YIF1B: variants seen among roughly 807,000 people sequenced by gnomAD.
YIF1B encodes the protein protein YIF1B.
YIF1B carries 24 observed loss-of-function variants against 34.6 expected under a neutral mutation model. The ratio of observed to expected loss-of-function variants is 0.69; its 90% CI spans 0.50 to 0.98. The LOEUF (loss-of-function observed/expected upper bound fraction) is 0.98, where lower values mean the gene tolerates loss of function less well. Among genes scored for constraint, YIF1B ranks in the 50% least tolerant of loss-of-function variants. The pLI is 0.00. For synonymous variants in YIF1B, 186 were observed against 184.8 expected (o/e 1.01, Z -0.05); for missense variants, 368 against 429.4 (o/e 0.86, Z 1.26).
At chr19:38,317,566 T>G (rs1037960366), upstream of YIF1B, among the ~76,000 whole-genome samples, 2 of 152,080 alleles carry the variant, frequency 1.3e-5, no homozygotes, top group African/African-American at 4.8e-5. Flanking sequence ...TAAATGTTTT[T>G]TTTTTTCTTA....
chr19:38,308,158 G>A (rs1371281039), intron 5 of YIF1B, among the ~76,000 whole-genome samples: 2 of 152,220 alleles, frequency 1.3e-5, no homozygotes, highest in East Asian at 3.8e-4. Context: ...AGGGCGATGT[G>A]AGCAAGAGGA....
At position 38,305,365 on chromosome 19, in the gene YIF1B, T is replaced by C. The variant is rs1287066572; in HGVS notation, c.932A>G (p.His311Arg). Reference sequence around the variant, plus strand: ...CAGCGGGCGCGCTCACCGCACCAGGTGGAAGGTGAGCCAGTACATGAGCAT... The same window carrying C: ...CAGCGGGCGCGCTCACCGCACCAGGCGGAAGGTGAGCCAGTACATGAGCAT... ...QPMLMYWLTF[H>R]LVR is the part of the protein sequence containing the mutation. The change falls in exon 8 of 8, where the codon CAC becomes CGC. Residue 311 changes from histidine (H) to arginine (R), a missense_variant. Physicochemically the swap from His to Arg is conservative, Grantham distance 29 (BLOSUM62 0). Transcript: ENST00000339413. 3.1e-6 allele frequency: 5 copies of C among 1,602,870 alleles called. No individual in the cohort carries two copies.
At chr19:38,313,335 T>C (rs1161993576) in intron 1 of YIF1B, among the ~76,000 whole-genome samples, 1 of 147,508 alleles carries the variant, frequency 6.8e-6, no homozygotes, top group East Asian at 2.0e-4. Context: ...CTCAGCTCAC[T>C]GCAAGCTCCG....
chr19:38,320,546 C>CTTTTTTTTTTTTT (rs35248793), upstream of YIF1B, among the ~76,000 whole-genome samples: 1 of 145,740 alleles, frequency 6.9e-6, no homozygotes, highest in Non-Finnish European at 1.5e-5. Context: ...GTTCCTCGGT[C>CTTTTTTTTTTTTT]TTTTTTTTTT....
rs754967882 is a variant in YIF1B at position 38,309,320 on chromosome 19, G to T, written c.306C>A (p.Arg102=). ...ACTTGAGCTTGGTGATGGGGATGAA[G>T]CGGTCGATCTGGGGAGGCAGAGCTC... ...GKELVDKNID[R]FIPITKLKYY... Residue 102 remains arginine, a synonymous_variant, in exon 3 of 8, where the codon CGC becomes CGA. Transcript: ENST00000339413. The T allele has an allele frequency of 5.0e-6, 8 of 1,613,996 alleles. No individual in the cohort carries two copies. The highest frequency in any genetic ancestry group is 6.8e-6 in the Non-Finnish European group (8 of 1,180,002).
rs1423620182 is a variant in YIF1B at position 38,304,791 on chromosome 19, C to T, written c.*561G>A. On this transcript the variant is annotated 3_prime_UTR_variant, in exon 8 of 8. Transcript: ENST00000339413. ...GGTGCGGGGAGTGGTCCCCCTGTCT[C>T]GCTTCCAGCCCAGAACCATCTCTTC... The T allele has an allele frequency of 6.2e-6, 10 of 1,612,714 alleles. No homozygotes were observed. The highest frequency in any genetic ancestry group is 2.7e-5 in the African/African-American group (2 of 74,922).
chr19:38,319,153 C>T (rs1969615925), upstream of YIF1B, among the ~76,000 whole-genome samples: 2 of 151,912 alleles, frequency 1.3e-5, no homozygotes. Context: ...GGGTCTCACT[C>T]TCTCCCAGGC....
chr19:38,305,060 T>A lies in YIF1B; in HGVS notation c.*292A>T. 1 of 1,528,070 alleles carries A rather than the reference T, an allele frequency of 6.5e-7. No individual in the cohort carries two copies. The highest frequency in any genetic ancestry group is 8.8e-7 in the Non-Finnish European group (1 of 1,134,714). 94.7% of individuals were successfully genotyped at this position (1,528,070 alleles called of 1,614,324 possible). A position where few individuals can be genotyped will look rare whatever the true frequency, so the allele number is the denominator to read the frequency against. ...GGCCCGTCCCCAGCTCCCTGCCCCCTGCCCAGCGCTGGGCCCGCCCATTCG... is the reference window on the plus strand; with the variant it reads ...GGCCCGTCCCCAGCTCCCTGCCCCCAGCCCAGCGCTGGGCCCGCCCATTCG... On this transcript the variant is annotated 3_prime_UTR_variant, in exon 8 of 8. Transcript: ENST00000339413.
At position 38,304,830 on chromosome 19, in the gene YIF1B, C is replaced by A. The variant is rs200992867; in HGVS notation, c.*522G>T. On this transcript the variant is annotated 3_prime_UTR_variant, in exon 8 of 8. Coordinates refer to ENST00000339413, the MANE Select transcript of YIF1B (RefSeq NM_001039672.3). Reference sequence around the variant, plus strand: ...AACCATCTCTTCTCTCCCATCCCTGCCCTCGGCCCCACAGTCCCACGCTGC... The same window carrying A: ...AACCATCTCTTCTCTCCCATCCCTGACCTCGGCCCCACAGTCCCACGCTGC... The A allele has an allele frequency of 5.4e-5, 87 of 1,613,698 alleles. No homozygotes were observed. In the Admixed American group the frequency reaches 6.8e-4, roughly 13 times the overall value.
chr19:38,317,569 T>C (rs1969588885), upstream of YIF1B, among the ~76,000 whole-genome samples: 2 of 152,072 alleles, frequency 1.3e-5, no homozygotes, highest in South Asian at 4.2e-4. Flanking sequence ...ATGTTTTTTT[T>C]TTTCTTATTG....
At chr19:38,311,111 A>G (rs1969310615) in intron 1 of YIF1B, among the ~76,000 whole-genome samples, 1 of 151,904 alleles carries the variant, frequency 6.6e-6, no homozygotes, top group African/African-American at 2.4e-5. Flanking sequence ...ACATGGCGAG[A>G]CCCCATCTCT....
chr19:38,306,916 C>T (rs1398212031), intron 7 of YIF1B: 5 of 464,140 alleles, frequency 1.1e-5, no homozygotes, highest in African/African-American at 8.0e-5. Flanking sequence ...CTCCTGACCT[C>T]GTGATCCGAC....
chr19:38,305,077 G>T lies in YIF1B; in HGVS notation c.*275C>A, dbSNP rs1218461246. ...CTGCCCCCTGCCCAGCGCTGGGCCC[G>T]CCCATTCGTGCGCGAGGCCAAGGAG... On this transcript the variant is annotated 3_prime_UTR_variant, in exon 8 of 8. Transcript: ENST00000339413. The T allele has an allele frequency of 4.6e-6, 7 of 1,506,302 alleles. No homozygotes were observed. The Admixed American group carries it at 8.9e-5, about 19-fold the overall frequency. The allele number at this position is 1,506,302 out of a possible 1,614,324, so 93.3% of individuals were successfully genotyped here.
At chr19:38,319,966 C>G, upstream of YIF1B, 1 of 1,460,434 alleles carries the variant, frequency 6.8e-7, no homozygotes, top group Non-Finnish European at 9.0e-7. Context: ...GAGGGGCGCG[C>G]TTCTGGCGGG....
In YIF1B at chr19:38,305,232, A is replaced by T. The variant is rs1370631376; in HGVS notation, c.*120T>A. ...GGGGCGGGGCTGGGCGGGACATGGGATGGAGGCGGTGCCTGTGGCCAGACA... is the reference window on the plus strand; with the variant it reads ...GGGGCGGGGCTGGGCGGGACATGGGTTGGAGGCGGTGCCTGTGGCCAGACA... On this transcript the variant is annotated 3_prime_UTR_variant, in exon 8 of 8. Transcript: ENST00000339413. The T allele has an allele frequency of 2.1e-6, 3 of 1,454,506 alleles. No individual in the cohort carries two copies. The African/African-American group carries it at 4.2e-5, about 20-fold the overall frequency. The allele number at this position is 1,454,506 out of a possible 1,614,324, so 90.1% of individuals were successfully genotyped here.
chr19:38,309,856 A>ACATTCATCTATGCATC, intron 1 of YIF1B: 2 of 1,415,110 alleles, frequency 1.4e-6, no homozygotes, highest in Non-Finnish European at 1.8e-6. Context: ...ATCCACTGAT[A>ACATTCATCTATGCATC]CATTCATCTA....
intron 7 of YIF1B, chr19:38,307,015 T>C: frequency 2.1e-6 from 1 of 477,828 alleles, no homozygotes; most frequent in South Asian, 1.5e-5. Flanking sequence ...AGGAAGTGAT[T>C]TGCCCAGGAT....
intron 1 of YIF1B, chr19:38,315,411 C>T: frequency 7.9e-7 from 1 of 1,259,598 alleles, no homozygotes; most frequent in Non-Finnish European, 1.0e-6. Context: ...AAATGAAACA[C>T]ACAGCACACT....
Position 38,304,713 on chromosome 19 carries a change from A to G in YIF1B, c.*639T>C, listed in dbSNP as rs2146290246. On this transcript the variant is annotated 3_prime_UTR_variant, in exon 8 of 8. Transcript: ENST00000339413. Reference sequence around the variant, plus strand: ...TAAGGGGCTCTCGCCAGCGTCCCCAAGCACGTGCCCTGCACCCCAGAGAGG... The same window carrying G: ...TAAGGGGCTCTCGCCAGCGTCCCCAGGCACGTGCCCTGCACCCCAGAGAGG... The G allele has an allele frequency of 6.2e-7, 1 of 1,613,558 alleles. No individual in the cohort carries two copies. Among genetic ancestry groups the G allele is most frequent in the Non-Finnish European group, 8.5e-7 (1 of 1,179,924 alleles).
Sources: gnomAD v4.1 joint callset for allele counts (sites outside exome capture counted in the v4.1 genomes callset) on GRCh38, gnomAD v4.1.1 for gene constraint, MANE v1.5 for transcripts, NCBI Gene and HGNC (gene_info 2026-07-23, HGNC 2026-07-21) for gene names.